Variants in FARSA observed in about 807,000 individuals in gnomAD.
FARSA encodes the protein phenylalanyl-tRNA synthetase subunit alpha, also known as phenylalanine--tRNA ligase alpha subunit.
A neutral mutation model predicts 63.2 loss-of-function variants in FARSA; 37 were observed. The ratio of observed to expected loss-of-function variants is 0.59; its 90% confidence interval spans 0.45 to 0.77. The LOEUF (loss-of-function observed/expected upper bound fraction) is 0.77. Ranked by LOEUF, FARSA falls within the 30% of genes least tolerant of loss-of-function variation. FARSA has a pLI of 0.00. For synonymous variants in FARSA, 312 were observed against 285.1 expected, an observed-to-expected ratio of 1.09 and a Z score of -0.95; for missense variants, 618 against 696.6, an observed-to-expected ratio of 0.89 and a Z score of 1.27.
rs768114039 is a variant in FARSA at position 12,933,606 on chromosome 19, C to T, written c.91G>A (p.Gly31Ser). ...LDSAELAAEL[G>S]MEHQAVVGAV... is the part of the protein sequence containing the mutation. ...CCCACCACCGCCTGGTGCTCCATGC[C>T]CAGCTCAGCCGCCAACTCGGCGCTG... The change falls in exon 1 of 13, where the codon GGC becomes AGC. Residue 31 changes from glycine to serine, a missense_variant. Transcript: ENST00000314606. The T allele has an allele frequency of 3.2e-6, 5 of 1,555,524 alleles. No homozygotes were observed. In the South Asian group the frequency reaches 4.7e-5, roughly 15 times the overall value.
chr19:12,933,630 T>C lies in FARSA; in HGVS notation c.67A>G (p.Ser23Gly), dbSNP rs747427583. 6.4e-7 allele frequency: 1 copy of C among 1,560,664 alleles called. No homozygotes were observed. Among genetic ancestry groups the C allele is most frequent in the Non-Finnish European group, 8.6e-7 (1 of 1,156,824 alleles). Residue 23 changes from serine (S) to glycine (G), a missense_variant, in exon 1 of 13, where the codon AGC becomes GGC. Coordinates refer to ENST00000314606, the MANE Select transcript of FARSA (RefSeq NM_004461.3). ...RLEASDGGLD[S>G]AELAAELGME... ...CCCAGCTCAGCCGCCAACTCGGCGC[T>C]GTCCAGGCCGCCATCAGACGCCTCC...
At chr19:12,926,980 C>T (rs1027629605) in intron 7 of FARSA, among the ~76,000 whole-genome samples, 3 of 152,202 alleles carry the variant, frequency 2.0e-5, no homozygotes, top group African/African-American at 7.2e-5. Flanking sequence ...GATGTTGCTC[C>T]TCTGGCCAGG....
At position 12,928,665 on chromosome 19, in the gene FARSA, TG is replaced by T; in HGVS notation, c.597-3del. ...AAGGGCCGGTCCCGCCAAGAGCCAC[TG>T]GGGGAGGATGCAAGGGCCTGGTAAG... On this transcript the variant is annotated splice_polypyrimidine_tract_variant and splice_region_variant and intron_variant, in intron 5 of 12. Coordinates refer to ENST00000314606, the MANE Select transcript of FARSA (RefSeq NM_004461.3). 6.2e-7 allele frequency: 1 copy of T among 1,612,930 alleles called. No homozygotes were observed. Among genetic ancestry groups the T allele is most frequent in the Non-Finnish European group, 8.5e-7 (1 of 1,179,434 alleles).
chr19:12,928,881 C>A, intron 4 of FARSA, 34 bp from the exon 5 acceptor site: 2 of 1,591,408 alleles, frequency 1.3e-6, no homozygotes, highest in South Asian at 2.2e-5. Flanking sequence ...ACGCCACTGC[C>A]ATCTCCTCCT....
intron 1 of FARSA, 72 bp from the exon 2 acceptor site, chr19:12,930,821 C>T: frequency 6.4e-7 from 1 of 1,571,892 alleles, no homozygotes; most frequent in Non-Finnish European, 8.7e-7. Flanking sequence ...TTCTGCAGCG[C>T]TGGGTCCCAG....
At chr19:12,932,000 A>C (rs1444058188) in intron 1 of FARSA, among the ~76,000 whole-genome samples, 3 of 151,958 alleles carry the variant, frequency 2.0e-5, no homozygotes, top group African/African-American at 7.2e-5. Context: ...CTCAGAAAGA[A>C]TATATAGTGC....
In FARSA at chr19:12,933,673, T is replaced by C. The variant is rs1286700779; in HGVS notation, c.24A>G (p.Glu8=). ...ACGCCTCCAGCCGCCGGAGCAGCAG[T>C]TCCGCCACCTGACCATCCGCCATGA... The part of the protein sequence containing the change: MADGQVA[E]LLLRRLEASD... The change falls in exon 1 of 13, where the codon GAA becomes GAG. Residue 8 remains glutamate, a synonymous_variant. Coordinates refer to ENST00000314606, the MANE Select transcript of FARSA (RefSeq NM_004461.3). 1.3e-6 allele frequency: 2 copies of C among 1,571,092 alleles called. No homozygotes were observed. Among genetic ancestry groups the C allele is most frequent in the South Asian group, 1.2e-5 (1 of 86,390 alleles).
Position 12,924,596 on chromosome 19 carries a change from C to T in FARSA, c.1195+43G>A. 1 of 1,612,152 alleles carries T rather than the reference C, an allele frequency of 6.2e-7. No homozygotes were observed. ...TAATGCTGGTGATCAACACACCTGC[C>T]CGCTGCCTCACCACCATGGCCCACC... On this transcript the variant is annotated intron_variant, in intron 10 of 12. Coordinates refer to ENST00000314606, the MANE Select transcript of FARSA (RefSeq NM_004461.3). The surrounding 1 kb of genome is among the most constrained non-coding windows in gnomAD (Gnocchi z 6.4).
Position 12,924,082 on chromosome 19 carries a change from C to T in FARSA, c.1388+69G>A, listed in dbSNP as rs983615128. The T allele has an allele frequency of 3.7e-5, 46 of 1,239,256 alleles. No homozygotes were observed. In the African/African-American group the frequency reaches 5.5e-4, roughly 15 times the overall value. The allele number at this position is 1,239,256 out of a possible 1,614,324, so 76.8% of individuals were successfully genotyped here. A position where few individuals can be genotyped will look rare whatever the true frequency, so the allele number is the denominator to read the frequency against. On this transcript the variant is annotated intron_variant, in intron 12 of 12. Coordinates refer to ENST00000314606, the MANE Select transcript of FARSA (RefSeq NM_004461.3). The surrounding 1 kb of genome is among the most constrained non-coding windows in gnomAD (Gnocchi z 6.4). ...GAATGAATGGGTGGTGCTGAAACCA[C>T]GCAGGCCCCTATACCTGGAGAGTTA...
In FARSA at chr19:12,933,490, C is replaced by T. The variant is rs1971417439; in HGVS notation, c.147+60G>A. 2.0e-6 allele frequency: 3 copies of T among 1,517,188 alleles called. No individual in the cohort carries two copies. In the African/African-American group the frequency reaches 4.1e-5, roughly 21 times the overall value. 94.0% of individuals were successfully genotyped at this position (1,517,188 alleles called of 1,614,324 possible). ...GAATTTGGCTTGGACGTAGAGCGCC[C>T]GTGGCAAGGGGACTGTAGGTGCAAG... On this transcript the variant is annotated intron_variant, in intron 1 of 12. Transcript: ENST00000314606.
chr19:12,925,198 G>C (rs1373319569), intron 7 of FARSA, 24 bp from the exon 8 acceptor site: 5 of 1,556,762 alleles, frequency 3.2e-6, no homozygotes, highest in Admixed American at 3.8e-5. Flanking sequence ...AGCAACATCA[G>C]GTCAGTCAAC....
rs114790582 is a variant in FARSA, at chr19:12,924,979, G to A, written c.951C>T (p.Asp317=). ...SQGYKYNWKL[D]EARKNLLRTH... is the part of the protein sequence containing the mutation. ...TTCGCAGTAGGTTTTTCCGGGCCTC[G>A]TCCAGCTTCCAGTTATACTTGTACC... Residue 317 remains aspartate, a synonymous_variant, in exon 9 of 13, where the codon GAC becomes GAT. Transcript: ENST00000314606. This position sits in a 1 kb window ranked among gnomAD's most constrained non-coding sequence, Gnocchi z 6.4. 3.4e-4 allele frequency: 551 copies of A among 1,614,164 alleles called. No individual in the cohort carries two copies. In the African/African-American group the frequency reaches 6.5e-3, roughly 19 times the overall value.
rs758217533 is a variant in FARSA, at chr19:12,924,231, C to A, written c.1308G>T (p.Gly436=). The A allele has an allele frequency of 1.5e-5, 25 of 1,614,040 alleles. No individual in the cohort carries two copies. The highest frequency in any genetic ancestry group is 2.0e-5 in the Non-Finnish European group (24 of 1,180,044). ...GCAGCAGCATCTCTGGACGGAAGAC[C>A]CCCGAGTTTCCGACCTCCACCCACT... ...LKKWVEVGNS[G]VFRPEMLLPM... The change falls in exon 12 of 13, where the codon GGG becomes GGT. Residue 436 remains glycine (G), a synonymous_variant. Coordinates refer to ENST00000314606, the MANE Select transcript of FARSA (RefSeq NM_004461.3). This position sits in a 1 kb window ranked among gnomAD's most constrained non-coding sequence, Gnocchi z 6.4.
chr19:12,930,204 G>A lies in FARSA; in HGVS notation c.503+19C>T. ...TCGCAGGTGGTGGGGGCCTGAGCCT[G>A]CAGGGGGCACCCACTCACACTTCAG... is the stretch of plus-strand genomic sequence containing the variant. On this transcript the variant is annotated intron_variant, in intron 4 of 12. Coordinates refer to ENST00000314606, the MANE Select transcript of FARSA (RefSeq NM_004461.3). The A allele has an allele frequency of 1.3e-6, 2 of 1,595,996 alleles. No homozygotes were observed. The highest frequency in any genetic ancestry group is 1.3e-5 in the African/African-American group (1 of 74,666).
intron 12 of FARSA, among the ~76,000 whole-genome samples, chr19:12,923,637 G>T (rs1054928835): frequency 6.6e-6 from 1 of 152,156 alleles, no homozygotes; most frequent in Non-Finnish European, 1.5e-5. Context: ...CTGCTACCAC[G>T]CCAGGCTAAT....
chr19:12,924,289 C>A lies in FARSA; in HGVS notation c.1274-24G>T, dbSNP rs368437889. 1 of 1,601,608 alleles carries A rather than the reference C, an allele frequency of 6.2e-7. No homozygotes were observed. Among genetic ancestry groups the A allele is most frequent in the African/African-American group, 1.3e-5 (1 of 74,748 alleles). On this transcript the variant is annotated intron_variant, in intron 11 of 12. Coordinates refer to ENST00000314606, the MANE Select transcript of FARSA (RefSeq NM_004461.3). This position sits in a 1 kb window ranked among gnomAD's most constrained non-coding sequence, Gnocchi z 6.4. Reference sequence around the variant, plus strand: ...GCCTGCAGAGGCAGGACAGAAAAGACGGGCAGTGCGTGTTGAGTTTCTGGG... The same window carrying A: ...GCCTGCAGAGGCAGGACAGAAAAGAAGGGCAGTGCGTGTTGAGTTTCTGGG...
intron 1 of FARSA, among the ~76,000 whole-genome samples, chr19:12,932,636 T>G (rs1599654812): frequency 1.3e-5 from 2 of 152,308 alleles, no homozygotes; most frequent in Middle Eastern, 3.4e-3. Context: ...GATTATGGAA[T>G]GGATTGGACA....
At chr19:12,929,399 G>A (rs1971365611) in intron 4 of FARSA, among the ~76,000 whole-genome samples, 1 of 152,254 alleles carries the variant, frequency 6.6e-6, no homozygotes, top group South Asian at 2.1e-4. Context: ...TAAAGACGAG[G>A]TTTCACCATG....
rs369688067 is a variant in FARSA at position 12,924,597 on chromosome 19, C to T, written c.1195+42G>A. The T allele has an allele frequency of 5.0e-5, 80 of 1,612,028 alleles. No homozygotes were observed. Among genetic ancestry groups the T allele is most frequent in the African/African-American group, 8.0e-5 (6 of 74,898 alleles). ...AATGCTGGTGATCAACACACCTGCCCGCTGCCTCACCACCATGGCCCACCC... is the reference window on the plus strand; with the variant it reads ...AATGCTGGTGATCAACACACCTGCCTGCTGCCTCACCACCATGGCCCACCC... On this transcript the variant is annotated intron_variant, in intron 10 of 12. Coordinates refer to ENST00000314606, the MANE Select transcript of FARSA (RefSeq NM_004461.3). The surrounding 1 kb of genome is among the most constrained non-coding windows in gnomAD (Gnocchi z 6.4).
Sources: allele counts gnomAD v4.1 joint callset (sites outside exome capture counted in the v4.1 genomes callset), GRCh38; gene constraint gnomAD v4.1.1; non-coding constraint Gnocchi (gnomAD v3.1); transcripts MANE v1.5; gene names NCBI Gene and HGNC (gene_info 2026-07-23, HGNC 2026-07-21).